The following COX6B2 variants were observed in gnomAD, a reference collection of about 807,000 sequenced individuals.
COX6B2 encodes cytochrome c oxidase subunit 6B2.
Under a neutral mutation model 13.7 loss-of-function variants are expected in COX6B2, and 12 were observed. That is an observed-to-expected ratio of 0.87 (90% CI 0.56 to 1.41). The LOEUF (loss-of-function observed/expected upper bound fraction) is 1.41, where lower values mean the gene tolerates loss of function less well. Among genes scored for constraint, COX6B2 ranks in the 40% most tolerant of loss-of-function variants. The pLI, the probability that COX6B2 is intolerant of heterozygous loss-of-function variation, is 0.00. For synonymous variants in COX6B2, 56 were observed against 46.6 expected (o/e 1.20, Z -0.82); for missense variants, 130 against 118.3 (o/e 1.10, Z -0.46).
Position 55,352,793 on chromosome 19 carries a change from C to T in COX6B2, c.*114+814G>A, listed in dbSNP as rs1302985639. 1 of 152,264 alleles carries T rather than the reference C, an allele frequency of 6.6e-6. No homozygotes were observed. The highest frequency in any genetic ancestry group is 1.5e-5 in the Non-Finnish European group (1 of 68,070). 9.4% of individuals were successfully genotyped at this position (152,264 alleles called of 1,614,324 possible). On this transcript the variant is annotated intron_variant, in intron 4 of 4. Coordinates refer to ENST00000326529, the MANE Select transcript of COX6B2 (RefSeq NM_144613.5). The surrounding 1 kb of genome is among the most constrained non-coding windows in gnomAD (Gnocchi z 6.2). ...GGAACCGGAATGCGGTTCCGTGTTA[C>T]TGCCGGGATGGGGAAGGAGTAAAGA...
intron 2 of COX6B2, chr19:55,354,186 C>T (rs2089691514): frequency 4.7e-6 from 3 of 634,552 alleles, no homozygotes; most frequent in Admixed American, 5.1e-5. Flanking sequence ...CGCACCTTCA[C>T]GACTCGGCCC....
Position 55,353,733 on chromosome 19 carries a change from G to C in COX6B2, c.255C>G (p.Ala85=), listed in dbSNP as rs747515071. ...WNEQIKNGIF[A]GKI is the part of the protein sequence containing the mutation. ...CGCGCTGGGGCAGTCAGATTTTGCC[G>C]GCGAAAATCCCGTTCTTGATCTGCT... The change falls in exon 4 of 5, where the codon GCC becomes GCG. Residue 85 remains alanine, a synonymous_variant. Coordinates refer to ENST00000326529, the MANE Select transcript of COX6B2 (RefSeq NM_144613.5). The C allele has an allele frequency of 2.7e-5, 43 of 1,609,690 alleles. No homozygotes were observed. The Admixed American group carries it at 5.7e-4, about 21-fold the overall frequency.
chr19:55,354,402 G>A lies in COX6B2; in HGVS notation c.112+8C>T, dbSNP rs1026270216. Reference sequence around the variant, plus strand: ...GCTCCTCCCATAACCTGGCTGAGCAGGTCTCACCCAGGAAGTTCTGGTAGC... The same window carrying A: ...GCTCCTCCCATAACCTGGCTGAGCAAGTCTCACCCAGGAAGTTCTGGTAGC... On this transcript the variant is annotated splice_region_variant and intron_variant, in intron 2 of 4. Transcript: ENST00000326529. 6.2e-6 allele frequency: 10 copies of A among 1,600,612 alleles called. No individual in the cohort carries two copies. Among genetic ancestry groups the A allele is most frequent in the South Asian group, 1.1e-5 (1 of 90,784 alleles).
chr19:55,354,541 T>A lies in COX6B2; in HGVS notation c.-18-2A>T, dbSNP rs1187483665. 3.2e-6 allele frequency: 5 copies of A among 1,570,334 alleles called. No individual in the cohort carries two copies. Among genetic ancestry groups the A allele is most frequent in the Non-Finnish European group, 4.4e-6 (5 of 1,145,502 alleles). On this transcript the variant is annotated splice_acceptor_variant, in intron 1 of 4. Transcript: ENST00000326529. LOFTEE classifies it low-confidence loss of function (5UTR_SPLICE). Reference sequence around the variant, plus strand: ...CAACATCCACGAAGGAGGCAACTCCTGCGAGACGGGACGGGACGGGGACTC... The same window carrying A: ...CAACATCCACGAAGGAGGCAACTCCAGCGAGACGGGACGGGACGGGGACTC...
Position 55,352,770 on chromosome 19 carries a change from A to G in COX6B2, c.*114+837T>C, listed in dbSNP as rs1409837466. 2 of 152,234 alleles carry G rather than the reference A, an allele frequency of 1.3e-5. No homozygotes were observed. Among genetic ancestry groups the G allele is most frequent in the Admixed American group, 6.5e-5 (1 of 15,272 alleles). The allele number at this position is 152,234 out of a possible 1,614,324, so 9.4% of individuals were successfully genotyped here. Reference sequence around the variant, plus strand: ...AGGCAAGACTTCAAAGGGCGTCTGGAACCGGAATGCGGTTCCGTGTTACTG... The same window carrying G: ...AGGCAAGACTTCAAAGGGCGTCTGGGACCGGAATGCGGTTCCGTGTTACTG... On this transcript the variant is annotated intron_variant, in intron 4 of 4. Transcript: ENST00000326529. The surrounding 1 kb of genome is among the most constrained non-coding windows in gnomAD (Gnocchi z 6.2).
chr19:55,354,286 A>ACCAACCCGGCCCCGCCCCCT, intron 2 of COX6B2, 124 bp downstream of exon 2: 1 of 397,328 alleles, frequency 2.5e-6, no homozygotes, highest in South Asian at 3.2e-5. Flanking sequence ...CCCCGCCCCC[A>ACCAACCCGGCCCCGCCCCCT]CCAACCCGGC....
intron 1 of COX6B2, 54 bp from the exon 2 acceptor site, chr19:55,354,593 C>T: frequency 8.9e-7 from 1 of 1,129,210 alleles, no homozygotes; most frequent in Non-Finnish European, 1.3e-6. Context: ...CGCCCTCGCT[C>T]CGACCCGTCT....
intron 4 of COX6B2, chr19:55,353,207 T>TC (rs2089681602): frequency 5.1e-6 from 1 of 197,628 alleles, no homozygotes; most frequent in African/African-American, 2.4e-5. Flanking sequence ...ATGGGATGGA[T>TC]CAGGGGTGGG....
intron 4 of COX6B2, chr19:55,353,210 G>C (rs2089681640): frequency 4.8e-6 from 1 of 208,442 alleles, no homozygotes; most frequent in Non-Finnish European, 1.0e-5. Context: ...GGATGGATCA[G>C]GGGTGGGATG....
In COX6B2 at chr19:55,353,852, C is replaced by T. The variant is rs781681152; in HGVS notation, c.213+14G>A. Reference sequence around the variant, plus strand: ...CTGCACACGCCTGGCCCGGCGCCCCCTCTGCCGACTCACCCAGCTGATGGG... The same window carrying T: ...CTGCACACGCCTGGCCCGGCGCCCCTTCTGCCGACTCACCCAGCTGATGGG... On this transcript the variant is annotated intron_variant, in intron 3 of 4. Coordinates refer to ENST00000326529, the MANE Select transcript of COX6B2 (RefSeq NM_144613.5). The T allele has an allele frequency of 6.3e-7, 1 of 1,579,420 alleles. No homozygotes were observed. The highest frequency in any genetic ancestry group is 1.1e-5 in the South Asian group (1 of 87,140).
chr19:55,354,665 G>A lies in COX6B2; in HGVS notation c.-34C>T. ...GTGCCCTCACCAGCCTGACGTTGGC[G>A]GCCACTGGATCTGCTGTGGGATGGT... is the stretch of plus-strand genomic sequence containing the variant. On this transcript the variant is annotated 5_prime_UTR_variant, in exon 1 of 5. Transcript: ENST00000326529. 4 of 627,578 alleles carry A rather than the reference G, an allele frequency of 6.4e-6. No homozygotes were observed. Among genetic ancestry groups the A allele is most frequent in the Admixed American group, 5.8e-5 (2 of 34,724 alleles). The allele number at this position is 627,578 out of a possible 1,614,324, so 38.9% of individuals were successfully genotyped here.
chr19:55,350,002 C>T lies in COX6B2; in HGVS notation c.*913G>A, dbSNP rs1029557801. 1.3e-5 allele frequency: 2 copies of T among 152,252 alleles called. No individual in the cohort carries two copies. Among genetic ancestry groups the T allele is most frequent in the Non-Finnish European group, 2.9e-5 (2 of 68,106 alleles). The allele number at this position is 152,252 out of a possible 1,614,324, so 9.4% of individuals were successfully genotyped here. On this transcript the variant is annotated 3_prime_UTR_variant, in exon 5 of 5. Transcript: ENST00000326529. The surrounding 1 kb of genome is among the most constrained non-coding windows in gnomAD (Gnocchi z 4.2). ...ATAAGCTGGGCGTGGTGGTGCATGC[C>T]TGTAATCCCAGCTACTCGGGAGGCT...
In COX6B2 at chr19:55,353,626, A is replaced by G; in HGVS notation, c.*95T>C. The stretch of plus-strand genomic sequence containing the variant: ...GCATACCATTATTCGTGGCTTAGAC[A>G]CTGGGAGGTAGGGGTGGATAACCGA... On this transcript the variant is annotated 3_prime_UTR_variant, in exon 4 of 5. Coordinates refer to ENST00000326529, the MANE Select transcript of COX6B2 (RefSeq NM_144613.5). 1 of 1,155,790 alleles carries G rather than the reference A, an allele frequency of 8.7e-7. No homozygotes were observed. Among genetic ancestry groups the G allele is most frequent in the Non-Finnish European group, 1.3e-6 (1 of 797,248 alleles). 71.6% of individuals were successfully genotyped at this position (1,155,790 alleles called of 1,614,324 possible).
intron 3 of COX6B2, 23 bp from the exon 4 acceptor site, chr19:55,353,797 G>T: frequency 6.2e-7 from 1 of 1,600,168 alleles, no homozygotes. Flanking sequence ...AAGGCAGGGA[G>T]CGGGACGCCG....
intron 4 of COX6B2, among the ~76,000 whole-genome samples, chr19:55,351,499 G>C (rs866446503): frequency 5.3e-5 from 8 of 152,298 alleles, no homozygotes; most frequent in Middle Eastern, 3.4e-3. Context: ...AGGCCGGGAG[G>C]ACGGAGCAGG....
rs752994518 is a variant in COX6B2, at chr19:55,354,490, T to C, written c.32A>G (p.Lys11Arg). 4.3e-6 allele frequency: 7 copies of C among 1,613,532 alleles called. No individual in the cohort carries two copies. Among genetic ancestry groups the C allele is most frequent in the Admixed American group, 1.7e-5 (1 of 59,952 alleles). Residue 11 changes from lysine to arginine, a missense_variant, in exon 2 of 5, where the codon AAG becomes AGG. By Grantham distance (26) the Lys-to-Arg change is conservative. Transcript: ENST00000326529. MLDVEAQEPP[K>R]GKWSTPPFDP... ...GAAGGGCGGCGTCGACCATTTCCCC[T>C]TGGGGGGCTCCTGGGCTTCCACATC... is the stretch of plus-strand genomic sequence containing the variant.
chr19:55,354,498 C>T lies in COX6B2; in HGVS notation c.24G>A (p.Glu8=), dbSNP rs528839611. The part of the protein sequence containing the change: MLDVEAQ[E]PPKGKWSTPP... ...GCGTCGACCATTTCCCCTTGGGGGG[C>T]TCCTGGGCTTCCACATCCAACATCC... The change falls in exon 2 of 5, where the codon GAG becomes GAA. Residue 8 remains glutamate (E), a synonymous_variant. Coordinates refer to ENST00000326529, the MANE Select transcript of COX6B2 (RefSeq NM_144613.5). The T allele has an allele frequency of 4.3e-6, 7 of 1,612,752 alleles. No individual in the cohort carries two copies. In the Admixed American group the frequency reaches 1.0e-4, roughly 23 times the overall value.
intron 2 of COX6B2, 155 bp downstream of exon 2, chr19:55,354,255 C>T (rs2089692106): frequency 7.6e-6 from 5 of 656,138 alleles, no homozygotes; most frequent in South Asian, 7.0e-5. Flanking sequence ...CCAGGCTCAG[C>T]CCCGCCTTTT....
At chr19:55,354,016 A>T in intron 2 of COX6B2, 50 bp from the exon 3 acceptor site, 1 of 1,427,532 alleles carries the variant, frequency 7.0e-7, no homozygotes, top group Non-Finnish European at 9.3e-7. Context: ...CCAGGACAGG[A>T]CCCGCCCCTC....
Sources: gnomAD v4.1 joint callset for allele counts (sites outside exome capture counted in the v4.1 genomes callset) on GRCh38, gnomAD v4.1.1 for gene constraint, Gnocchi (gnomAD v3.1) non-coding constraint, MANE v1.5 for transcripts, NCBI Gene and HGNC (gene_info 2026-07-23, HGNC 2026-07-21) for gene names.